The following DICER1 variants were observed in gnomAD, a reference collection of about 807,000 sequenced individuals.
The protein encoded by DICER1 is dicer 1, ribonuclease III.
Under a neutral mutation model 194.1 loss-of-function variants are expected in DICER1, and 43 were observed. The observed-to-expected ratio is 0.22, with a 90% confidence interval of 0.17 to 0.29. DICER1 has a LOEUF of 0.29. Ranked by LOEUF, DICER1 falls within the 10% of genes least tolerant of loss-of-function variation. DICER1 has a pLI of 1.00. For missense variants in DICER1, 1,608 were observed against 2,317.0 expected (o/e 0.69, Z 6.28); for synonymous variants, 832 against 820.5 (o/e 1.01, Z -0.24).
In DICER1 at chr14:95,094,037, G is replaced by A. The variant is rs1890084890; in HGVS notation, c.5215C>T (p.Leu1739=). The change falls in exon 24 of 27, where the codon CTG becomes TTG. Residue 1739 remains leucine (L), a synonymous_variant. Coordinates refer to ENST00000343455, the MANE Select transcript of DICER1 (RefSeq NM_177438.3). The part of the protein sequence containing the change: ...PGVLTDLRSA[L]VNNTIFASLA... ...GATGCAAAGATGGTGTTGTTGACCA[G>A]GGCAGACCGCAGGTCTGTCAGGACC... The A allele has an allele frequency of 6.2e-7, 1 of 1,614,092 alleles. No individual in the cohort carries two copies. The highest frequency in any genetic ancestry group is 8.5e-7 in the Non-Finnish European group (1 of 1,180,010).
At chr14:95,101,637 G>C (rs535527007) in intron 21 of DICER1, among the ~76,000 whole-genome samples, 1 of 152,228 alleles carries the variant, frequency 6.6e-6, no homozygotes, top group Non-Finnish European at 1.5e-5. Flanking sequence ...CTGCCCCCAA[G>C]TTGCCAGTTT....
At chr14:95,142,742 GC>G (rs1235141617) in intron 1 of DICER1, among the ~76,000 whole-genome samples, 2 of 152,064 alleles carry the variant, frequency 1.3e-5, no homozygotes, top group Non-Finnish European at 2.9e-5. Context: ...TGTTTCATAG[GC>G]CCCTTTAAGA....
At chr14:95,122,337 AAATTTATTTAATCCTTATATAATCCT>A (rs1290554394) in intron 8 of DICER1, among the ~76,000 whole-genome samples, 19 of 152,194 alleles carry the variant, frequency 1.2e-4, no homozygotes, top group African/African-American at 4.3e-4. Context: ...AAGCCCCAGA[AAATTTATTTAATCCTTATATAATCCT>A]AAATGGAGAC....
At chr14:95,157,803 C>G (rs1193049627), upstream of DICER1, 1 of 152,346 alleles carries the variant, frequency 6.6e-6, no homozygotes, top group African/African-American at 2.4e-5. Flanking sequence ...GGCAGACTCT[C>G]TGAGCTCTCG....
chr14:95,103,393 A>C lies in DICER1; in HGVS notation c.4003T>G (p.Tyr1335Asp). ...HAITTYLFCTYPDAHEGRLSY... is the reference protein window; with the variant it reads ...HAITTYLFCTDPDAHEGRLSY... ...AGGCGGCCCTCATGCGCATCAGGGT[A>C]AGTGCAAAATAGATATGTGGTGATG... is the stretch of plus-strand genomic sequence containing the variant. The change falls in exon 21 of 27, where the codon TAC becomes GAC. Residue 1335 changes from tyrosine to aspartate, a missense_variant. Coordinates refer to ENST00000343455, the MANE Select transcript of DICER1 (RefSeq NM_177438.3). 6.2e-7 allele frequency: 1 copy of C among 1,614,244 alleles called. No individual in the cohort carries two copies. The highest frequency in any genetic ancestry group is 1.1e-5 in the South Asian group (1 of 91,090).
At chr14:95,116,847 T>C (rs1219776940) in intron 9 of DICER1, 152 bp from the exon 10 acceptor site, 4 of 792,090 alleles carry the variant, frequency 5.0e-6, no homozygotes, top group Middle Eastern at 3.3e-4. Flanking sequence ...AAGATGACAG[T>C]ATCACAGAAA....
chr14:95,124,070 G>C lies in DICER1; in HGVS notation c.1376+126C>G, dbSNP rs1331142067. On this transcript the variant is annotated intron_variant, in intron 8 of 26. Coordinates refer to ENST00000343455, the MANE Select transcript of DICER1 (RefSeq NM_177438.3). This position sits in a 1 kb window ranked among gnomAD's most constrained non-coding sequence, Gnocchi z 4.5. ...CAGGACAGCATGACGTATCAGCAATGATGGCGCCAAGTCAAGGACACTTAC... is the reference window on the plus strand; with the variant it reads ...CAGGACAGCATGACGTATCAGCAATCATGGCGCCAAGTCAAGGACACTTAC... 2 of 711,072 alleles carry C rather than the reference G, an allele frequency of 2.8e-6. No individual in the cohort carries two copies. Among genetic ancestry groups the C allele is most frequent in the Non-Finnish European group, 4.9e-6 (2 of 407,696 alleles). The allele number at this position is 711,072 out of a possible 1,614,324, so 44.0% of individuals were successfully genotyped here. A position where few individuals can be genotyped will look rare whatever the true frequency, so the allele number is the denominator to read the frequency against.
intron 1 of DICER1, among the ~76,000 whole-genome samples, chr14:95,148,931 C>CT (rs539167482): frequency 1.3e-5 from 2 of 150,684 alleles, no homozygotes; most frequent in African/African-American, 2.5e-5. Flanking sequence ...GTACTTTACT[C>CT]TTTTTTTTTA....
At chr14:95,111,026 T>G (rs916792220) in intron 14 of DICER1, among the ~76,000 whole-genome samples, 2 of 152,166 alleles carry the variant, frequency 1.3e-5, no homozygotes, top group African/African-American at 4.8e-5. Flanking sequence ...ACAAAGAATG[T>G]CTATTTAAAT....
chr14:95,096,807 C>A (rs1890399063), intron 22 of DICER1, 94 bp from the exon 23 acceptor site: 6 of 1,399,174 alleles, frequency 4.3e-6, no homozygotes, highest in Non-Finnish European at 5.7e-6. Context: ...TGGATAATTT[C>A]AAATGACAAC....
chr14:95,106,414 C>A (rs1408443125), intron 17 of DICER1, among the ~76,000 whole-genome samples, 191 bp from the exon 18 acceptor site: 2 of 151,646 alleles, frequency 1.3e-5, no homozygotes, highest in Non-Finnish European at 2.9e-5. Context: ...TAAAAATGGA[C>A]ACATTATTGT....
intron 22 of DICER1, among the ~76,000 whole-genome samples, chr14:95,098,184 CAA>C (rs1433339520): frequency 6.6e-6 from 1 of 152,188 alleles, no homozygotes; most frequent in Non-Finnish European, 1.5e-5. Context: ...GCTTCATCTA[CAA>C]AAGAGTGGGG....
At chr14:95,134,995 C>T (rs541837175) in intron 1 of DICER1, among the ~76,000 whole-genome samples, 1 of 152,318 alleles carries the variant, frequency 6.6e-6, no homozygotes, top group East Asian at 1.9e-4. Flanking sequence ...TTCCCAAATT[C>T]AGCAAGCCCT....
rs936135259 is a variant in DICER1 at position 95,087,576 on chromosome 14, A to G, written c.*2922T>C. ...CTGTTAAGCATATTTTCTTGAAATG[A>G]GGTAAAGCATGGTACCAAGTGCAAT... On this transcript the variant is annotated 3_prime_UTR_variant, in exon 27 of 27. Transcript: ENST00000343455. 1.3e-5 allele frequency: 3 copies of G among 233,112 alleles called. No individual in the cohort carries two copies. The highest frequency in any genetic ancestry group is 2.5e-5 in the Non-Finnish European group (3 of 118,034). 14.4% of individuals were successfully genotyped at this position (233,112 alleles called of 1,614,324 possible).
At chr14:95,131,994 A>G (rs1327346265) in intron 3 of DICER1, among the ~76,000 whole-genome samples, 5 of 152,208 alleles carry the variant, frequency 3.3e-5, no homozygotes, top group African/African-American at 9.6e-5. Flanking sequence ...CAACCTAAAA[A>G]AAGAGCAGTG....
Position 95,133,474 on chromosome 14 carries a change from T to G in DICER1, c.-16A>C. ...GGCTTTTCATTCATCCAGTGTTTCT[T>G]TCATTGCATTTTTGTTCTAGCACAG... On this transcript the variant is annotated 5_prime_UTR_variant, in exon 2 of 27. Coordinates refer to ENST00000343455, the MANE Select transcript of DICER1 (RefSeq NM_177438.3). 6.2e-7 allele frequency: 1 copy of G among 1,607,340 alleles called. No individual in the cohort carries two copies. Among genetic ancestry groups the G allele is most frequent in the Non-Finnish European group, 8.5e-7 (1 of 1,176,212 alleles).
rs1890681267 is a variant in DICER1 at position 95,099,713 on chromosome 14, A to G, written c.4206+67T>C. On this transcript the variant is annotated intron_variant, in intron 22 of 26. Transcript: ENST00000343455. ...TAAAACAAATTATTTGGCTCACCGA[A>G]AAGTAAATCCCTCCAGTTACACACA... is the stretch of plus-strand genomic sequence containing the variant. 5.1e-6 allele frequency: 8 copies of G among 1,553,800 alleles called. No homozygotes were observed. The South Asian group carries it at 8.5e-5, about 16-fold the overall frequency.
chr14:95,103,798 T>C lies in DICER1; in HGVS notation c.3598A>G (p.Asn1200Asp), dbSNP rs966682402. ...TCCTGCTTGTAGTAATTTAGCTGATTTCCTTGGCAAAAGTCTCTGTTAGCT... is the reference window on the plus strand; with the variant it reads ...TCCTGCTTGTAGTAATTTAGCTGATCTCCTTGGCAAAAGTCTCTGTTAGCT... ...DLANRDFCQG[N>D]QLNYYKQEIP... Residue 1200 changes from asparagine to aspartate, a missense_variant, in exon 21 of 27, where the codon AAT becomes GAT. Coordinates refer to ENST00000343455, the MANE Select transcript of DICER1 (RefSeq NM_177438.3). The C allele has an allele frequency of 1.2e-6, 2 of 1,614,066 alleles. No homozygotes were observed. The highest frequency in any genetic ancestry group is 1.7e-5 in the Admixed American group (1 of 60,002).
chr14:95,130,430 G>A (rs893441836), intron 4 of DICER1, among the ~76,000 whole-genome samples: 7 of 152,176 alleles, frequency 4.6e-5, no homozygotes, highest in Admixed American at 6.5e-5. Context: ...ATGTCTTGAC[G>A]ACAAATCTAA....
Sources: allele counts gnomAD v4.1 joint callset (sites outside exome capture counted in the v4.1 genomes callset), GRCh38; gene constraint gnomAD v4.1.1; non-coding constraint Gnocchi (gnomAD v3.1); transcripts MANE v1.5; gene names NCBI Gene and HGNC (gene_info 2026-07-23, HGNC 2026-07-21).